IL1RAPL1: variants seen among roughly 807,000 people sequenced by gnomAD.
IL1RAPL1 encodes the protein interleukin-1 receptor accessory protein-like 1.
In IL1RAPL1, 3 loss-of-function variants were observed where a neutral mutation model predicts 48.4. That is an observed-to-expected ratio of 0.06 (90% CI 0.03 to 0.16). The LOEUF (loss-of-function observed/expected upper bound fraction) is 0.16. IL1RAPL1 is among the 10% of genes least tolerant of loss of function. The probability of loss-of-function intolerance (pLI) is 1.00; values close to 1 mark genes in which losing one functional copy is unlikely to be tolerated. For synonymous variants in IL1RAPL1, 185 were observed against 187.7 expected (o/e 0.99, Z 0.12); for missense variants, 349 against 530.6 (o/e 0.66, Z 3.36).
At chrX:29,200,678 G>A (rs1389814841) in intron 2 of IL1RAPL1, among the ~76,000 whole-genome samples, 1 of 111,466 alleles carries the variant, frequency 9.0e-6, no homozygotes, top group Non-Finnish European at 1.9e-5. Flanking sequence ...AACTAGAGCT[G>A]TAATGATTGC....
chrX:29,351,783 ACTTTTGTG>A (rs1275941249), intron 3 of IL1RAPL1, among the ~76,000 whole-genome samples: 1 of 111,817 alleles, frequency 8.9e-6, no homozygotes, highest in Non-Finnish European at 1.9e-5. Context: ...GGTGTTCTTA[ACTTTTGTG>A]CTTTTATCCA....
intron 3 of IL1RAPL1, among the ~76,000 whole-genome samples, chrX:29,389,756 C>G (rs1933831432): frequency 8.9e-6 from 1 of 112,259 alleles, no homozygotes; most frequent in Admixed American, 9.5e-5. Context: ...GTTCAATTCA[C>G]CAGTTCAACA....
intron 1 of IL1RAPL1, among the ~76,000 whole-genome samples, chrX:28,592,263 G>T (rs1933914215): frequency 8.9e-6 from 1 of 111,821 alleles, no homozygotes; most frequent in African/African-American, 3.2e-5. Flanking sequence ...TTTAAAAAAT[G>T]CTTCTGAGTA....
chrX:28,674,864 A>G (rs1934982123), intron 1 of IL1RAPL1, among the ~76,000 whole-genome samples: 1 of 112,064 alleles, frequency 8.9e-6, no homozygotes. Context: ...AACTTGAAAA[A>G]TATCCAACTC....
At chrX:29,628,822 A>G (rs1924687906) in intron 5 of IL1RAPL1, among the ~76,000 whole-genome samples, 2 of 112,349 alleles carry the variant, frequency 1.8e-5, no homozygotes, top group Admixed American at 1.9e-4. Context: ...TGAGAAAGTT[A>G]TGCTCATTTT....
chrX:28,890,532 T>A (rs1332185614), intron 2 of IL1RAPL1, among the ~76,000 whole-genome samples: 1 of 112,138 alleles, frequency 8.9e-6, no homozygotes, highest in Admixed American at 9.5e-5. Context: ...TATTTTTCTA[T>A]TGGAAAAACT....
intron 3 of IL1RAPL1, among the ~76,000 whole-genome samples, chrX:29,287,327 C>G (rs1450054303): frequency 9.0e-6 from 1 of 111,482 alleles, no homozygotes; most frequent in South Asian, 3.7e-4. Flanking sequence ...TATTTATTCA[C>G]TTGTTGAAGG....
intron 3 of IL1RAPL1, among the ~76,000 whole-genome samples, chrX:29,306,530 G>GA (rs1166748708): frequency 0.022 from 720 of 33,363 alleles, 9 homozygotes; most frequent in African/African-American, 0.057. Flanking sequence ...TCTGTCAAAA[G>GA]AAAAAAAAAA....
chrX:29,328,873 T>C (rs1033923591), intron 3 of IL1RAPL1, among the ~76,000 whole-genome samples: 3 of 110,976 alleles, frequency 2.7e-5, no homozygotes, highest in African/African-American at 9.8e-5. Flanking sequence ...TTCCTCTCAT[T>C]ATTTAAATTT....
chrX:29,093,473 C>T (rs748345697), intron 2 of IL1RAPL1, among the ~76,000 whole-genome samples: 2 of 111,291 alleles, frequency 1.8e-5, no homozygotes, highest in Non-Finnish European at 3.8e-5. Flanking sequence ...GATTATAATT[C>T]GACATGAGAT....
In IL1RAPL1 at chrX:28,745,930, T is replaced by C. The variant is rs190255918; in HGVS notation, c.-24-43390T>C. 3.5e-4 allele frequency among the ~76,000 whole-genome samples: 39 copies of C among 112,128 alleles called. No homozygotes were observed. In the East Asian group the frequency reaches 0.01, roughly 30 times the overall value. ...GACTGAACATGTTGGGGAAGAAAACTTTCATACTAGGACAAACTTTTTTTT... is the reference window on the plus strand; with the variant it reads ...GACTGAACATGTTGGGGAAGAAAACCTTCATACTAGGACAAACTTTTTTTT... On this transcript the variant is annotated intron_variant, in intron 1 of 10. Coordinates refer to ENST00000378993, the MANE Select transcript of IL1RAPL1 (RefSeq NM_014271.4).
At chrX:28,847,947 G>C (rs1407244954) in intron 2 of IL1RAPL1, among the ~76,000 whole-genome samples, 1 of 111,843 alleles carries the variant, frequency 8.9e-6, no homozygotes, top group Non-Finnish European at 1.9e-5. Context: ...GCCTACAAAA[G>C]GCCCTGCTTT....
rs1021735239 is a variant in IL1RAPL1 at position 28,676,024 on chromosome X, T to A, written c.-25+87977T>A. Among the ~76,000 whole-genome samples, 8 of 111,876 alleles carry A rather than the reference T, an allele frequency of 7.2e-5. No homozygotes were observed. In the East Asian group the frequency reaches 2.3e-3, roughly 32 times the overall value. ...TACCTTTTGAATCATTGGTAATCAT[T>A]GTTAAACACAATACTTTGGTAGAAG... is the stretch of plus-strand genomic sequence containing the variant. On this transcript the variant is annotated intron_variant, in intron 1 of 10. Transcript: ENST00000378993.
chrX:29,068,700 T>C (rs1222876296), intron 2 of IL1RAPL1, among the ~76,000 whole-genome samples: 1 of 112,220 alleles, frequency 8.9e-6, no homozygotes, highest in African/African-American at 3.2e-5. Flanking sequence ...GTTCAGTGAA[T>C]GGGATGCGGA....
chrX:28,885,573 A>G (rs1291756032), intron 2 of IL1RAPL1, among the ~76,000 whole-genome samples: 1 of 111,956 alleles, frequency 8.9e-6, no homozygotes, highest in East Asian at 2.8e-4. Flanking sequence ...TAATTTTAAC[A>G]TATGTTTAAT....
chrX:29,201,811 C>T (rs1253210018), intron 2 of IL1RAPL1, among the ~76,000 whole-genome samples: 1 of 110,799 alleles, frequency 9.0e-6, no homozygotes, highest in African/African-American at 3.3e-5. Flanking sequence ...CCTGCCTCAG[C>T]CTCCCGAGTA....
At chrX:29,641,171 A>AAAAC (rs1481701604) in intron 5 of IL1RAPL1, among the ~76,000 whole-genome samples, 12 of 95,234 alleles carry the variant, frequency 1.3e-4, no homozygotes, top group South Asian at 4.0e-4. Flanking sequence ...ACCCTGTCTC[A>AAAAC]AAATAAACAA....
intron 5 of IL1RAPL1, among the ~76,000 whole-genome samples, chrX:29,563,673 G>C (rs934438153): frequency 1.5e-4 from 17 of 112,327 alleles, no homozygotes; most frequent in African/African-American, 5.5e-4. Flanking sequence ...TAGGACTTCA[G>C]CTTTGGAACT....
chrX:28,995,889 C>T (rs1439501522), intron 2 of IL1RAPL1, among the ~76,000 whole-genome samples: 1 of 109,472 alleles, frequency 9.1e-6, no homozygotes, highest in Non-Finnish European at 1.9e-5. Flanking sequence ...TATTTACCAA[C>T]TTCTATGAAC....
Sources: allele counts gnomAD v4.1 joint callset (sites outside exome capture counted in the v4.1 genomes callset), GRCh38; gene constraint gnomAD v4.1.1; transcripts MANE v1.5; gene names NCBI Gene and HGNC (gene_info 2026-07-23, HGNC 2026-07-21).